OCA2: variants seen among roughly 807,000 people sequenced by gnomAD.
The protein encoded by OCA2 is OCA2 melanosomal transmembrane protein, also known as P protein.
Under a neutral mutation model 100.2 loss-of-function variants are expected in OCA2, and 77 were observed. That is an observed-to-expected ratio of 0.77 (90% CI 0.64 to 0.93). OCA2 has a LOEUF of 0.93. OCA2 is among the 40% of genes least tolerant of loss of function. The pLI is 0.00. For missense variants in OCA2, 1,062 were observed against 1,089.1 expected, an observed-to-expected ratio of 0.98 and a Z score of 0.35; for synonymous variants, 432 against 439.2, an observed-to-expected ratio of 0.98 and a Z score of 0.21.
chr15:27,729,474 T>C, the OCA2 span, among the ~76,000 whole-genome samples: 1 of 152,188 alleles, frequency 6.6e-6, no homozygotes, highest in Non-Finnish European at 1.5e-5. Flanking sequence ...CTATTGTTAC[T>C]ATAAGGAATT....
chr15:27,900,971 A>G (rs1398224570), intron 19 of OCA2, among the ~76,000 whole-genome samples: 1 of 152,256 alleles, frequency 6.6e-6, no homozygotes, highest in Non-Finnish European at 1.5e-5. Context: ...TTAACTAACA[A>G]TTCAGACTTC....
At chr15:28,096,055 G>C (rs565959419) in intron 1 of OCA2, among the ~76,000 whole-genome samples, 1 of 152,104 alleles carries the variant, frequency 6.6e-6, no homozygotes, top group Non-Finnish European at 1.5e-5. Flanking sequence ...CTCGGAGCAC[G>C]GCCCTTCTCT....
At chr15:27,815,615 A>T (rs556442209) in intron 23 of OCA2, among the ~76,000 whole-genome samples, 1 of 152,310 alleles carries the variant, frequency 6.6e-6, no homozygotes, top group Non-Finnish European at 1.5e-5. Context: ...AAAGGCTAGC[A>T]AGAGTCTAGA....
At chr15:27,965,815 C>A (rs1220879253) in intron 15 of OCA2, among the ~76,000 whole-genome samples, 1 of 152,200 alleles carries the variant, frequency 6.6e-6, no homozygotes, top group Non-Finnish European at 1.5e-5. Flanking sequence ...GCTTGTTTCC[C>A]AAATAATCTA....
At chr15:28,022,642 TA>T (rs2042631183) in intron 5 of OCA2, 69 bp from the exon 6 acceptor site, 2 of 1,218,696 alleles carry the variant, frequency 1.6e-6, no homozygotes, top group Non-Finnish European at 2.4e-6. Flanking sequence ...ATCATTTTGA[TA>T]ACAGTCGAAA....
chr15:28,029,809 A>C (rs2042862431), intron 3 of OCA2, among the ~76,000 whole-genome samples: 1 of 152,256 alleles, frequency 6.6e-6, no homozygotes, highest in Non-Finnish European at 1.5e-5. Flanking sequence ...ATAAAAGTAA[A>C]GCATGAAAAA....
intron 23 of OCA2, among the ~76,000 whole-genome samples, chr15:27,814,972 T>C (rs946934049): frequency 6.6e-5 from 10 of 151,720 alleles, no homozygotes; most frequent in African/African-American, 2.4e-4. Context: ...ATATATCTTC[T>C]TTATGCTAGG....
At chr15:27,721,495 TAGA>T in the OCA2 span, among the ~76,000 whole-genome samples, 2 of 152,230 alleles carry the variant, frequency 1.3e-5, no homozygotes, top group African/African-American at 4.8e-5. Context: ...AATTATATCA[TAGA>T]AGAAAATTGT....
At chr15:27,983,566 G>A (rs559021530) in intron 13 of OCA2, 83 bp from the exon 14 acceptor site, 56 of 1,499,932 alleles carry the variant, frequency 3.7e-5, no homozygotes, top group East Asian at 4.5e-5. Flanking sequence ...TTTTTAAGGC[G>A]CTTGCTCGTA....
At chr15:28,065,415 C>G (rs1015390178) in intron 2 of OCA2, among the ~76,000 whole-genome samples, 16 of 152,136 alleles carry the variant, frequency 1.1e-4, no homozygotes, top group African/African-American at 3.6e-4. Context: ...TTGTCAGACT[C>G]TCTGACAGTA....
At chr15:27,850,831 C>A (rs1373155278) in intron 22 of OCA2, among the ~76,000 whole-genome samples, 1 of 152,150 alleles carries the variant, frequency 6.6e-6, no homozygotes, top group Non-Finnish European at 1.5e-5. Context: ...GAGAAGGACT[C>A]CCCCGCTGTT....
Position 28,099,209 on chromosome 15 carries a change from GC to G in OCA2, c.-22+14del. 6.5e-6 allele frequency: 1 copy of G among 152,916 alleles called. No homozygotes were observed. The highest frequency in any genetic ancestry group is 2.1e-4 in the South Asian group (1 of 4,844). 9.5% of individuals were successfully genotyped at this position (152,916 alleles called of 1,614,324 possible). A position where few individuals can be genotyped will look rare whatever the true frequency, so the allele number is the denominator to read the frequency against. On this transcript the variant is annotated intron_variant, in intron 1 of 23. Coordinates refer to ENST00000354638, the MANE Select transcript of OCA2 (RefSeq NM_000275.3). ...TCGCCTCCTTCCTCCCGACCGCGGA[GC>G]ACGTGCACTTTACCTGCGCACTTGC...
intron 9 of OCA2, among the ~76,000 whole-genome samples, chr15:27,999,370 A>G (rs899676220): frequency 1.4e-4 from 21 of 152,300 alleles, no homozygotes; most frequent in Non-Finnish European, 1.6e-4. Flanking sequence ...AAATCATAGG[A>G]TCATCTCAAT....
chr15:27,947,338 T>C (rs1227986613), intron 18 of OCA2, among the ~76,000 whole-genome samples: 1 of 152,166 alleles, frequency 6.6e-6, no homozygotes, highest in East Asian at 1.9e-4. Context: ...CAGGCTGGGC[T>C]TGGTCTTGCT....
the OCA2 span, among the ~76,000 whole-genome samples, chr15:27,739,791 G>T: frequency 6.6e-6 from 1 of 151,982 alleles, no homozygotes; most frequent in South Asian, 2.1e-4. Flanking sequence ...CCTCCAACCG[G>T]ATCTACCTCA....
chr15:28,001,535 T>C (rs749875830), intron 9 of OCA2, among the ~76,000 whole-genome samples: 5 of 152,178 alleles, frequency 3.3e-5, no homozygotes, highest in Non-Finnish European at 5.9e-5. Context: ...GATTTAATTC[T>C]ACATTTCTCA....
rs2042479715 is a variant in OCA2, at chr15:28,018,553, C to G, written c.651G>C (p.Val217=). The part of the protein sequence containing the change: ...LALSPLENYS[V]NLSSHVDSTL... Reference sequence around the variant, plus strand: ...TGGAGTCCACGTGGCTGCTAAGGTTCACGGCTCGGAGAGTGTCAAGGAGAA... The same window carrying G: ...TGGAGTCCACGTGGCTGCTAAGGTTGACGGCTCGGAGAGTGTCAAGGAGAA... The change falls in exon 7 of 24, where the codon GTG becomes GTC. Residue 217 remains valine (V), a synonymous_variant. Transcript: ENST00000354638. 1 of 1,612,630 alleles carries G rather than the reference C, an allele frequency of 6.2e-7. No individual in the cohort carries two copies. The highest frequency in any genetic ancestry group is 8.5e-7 in the Non-Finnish European group (1 of 1,179,738).
chr15:27,979,491 T>C (rs2041076090), intron 14 of OCA2, among the ~76,000 whole-genome samples: 1 of 152,228 alleles, frequency 6.6e-6, no homozygotes, highest in Non-Finnish European at 1.5e-5. Flanking sequence ...CCACCATTTC[T>C]TTGCTTCCTT....
At chr15:27,826,802 C>T (rs2034742504) in intron 23 of OCA2, among the ~76,000 whole-genome samples, 1 of 152,254 alleles carries the variant, frequency 6.6e-6, no homozygotes. Context: ...GGCACACTAG[C>T]TATTAAACAC....
Sources: allele counts gnomAD v4.1 joint callset (sites outside exome capture counted in the v4.1 genomes callset), GRCh38; gene constraint gnomAD v4.1.1; transcripts MANE v1.5; gene names NCBI Gene and HGNC (gene_info 2026-07-23, HGNC 2026-07-21).